The following FSTL5 variants were observed in gnomAD, a reference collection of about 807,000 sequenced individuals.
The protein encoded by FSTL5 is follistatin-related protein 5.
FSTL5 carries 62 observed loss-of-function variants against 89.1 expected under a neutral mutation model. That is an observed-to-expected ratio of 0.70 (90% CI 0.57 to 0.86). The LOEUF (loss-of-function observed/expected upper bound fraction) is 0.86. Ranked by LOEUF, FSTL5 falls within the 40% of genes least tolerant of loss-of-function variation. FSTL5 has a pLI of 0.00. For missense variants in FSTL5, 1,057 were observed against 1,001.6 expected (o/e 1.06, Z -0.75); for synonymous variants, 383 against 346.2 (o/e 1.11, Z -1.18).
chr4:161,990,507 A>T (rs190692988), intron 3 of FSTL5, among the ~76,000 whole-genome samples: 1 of 152,256 alleles, frequency 6.6e-6, no homozygotes. Context: ...GGTAATACAT[A>T]GCTGAAAATA....
At chr4:161,452,131 C>T (rs909462759) in intron 15 of FSTL5, among the ~76,000 whole-genome samples, 3 of 152,132 alleles carry the variant, frequency 2.0e-5, no homozygotes, top group Non-Finnish European at 2.9e-5. Context: ...CAATTCATAA[C>T]GATTCAATCT....
At chr4:161,687,729 T>G (rs1400633990) in intron 6 of FSTL5, among the ~76,000 whole-genome samples, 2 of 152,186 alleles carry the variant, frequency 1.3e-5, no homozygotes, top group Non-Finnish European at 2.9e-5. Context: ...CAGAGTGATC[T>G]CTCAGTATTT....
chr4:161,918,239 T>C (rs1329333006), intron 4 of FSTL5, among the ~76,000 whole-genome samples: 4 of 152,186 alleles, frequency 2.6e-5, no homozygotes, highest in Non-Finnish European at 5.9e-5. Flanking sequence ...TTGTTTTGGT[T>C]TATATTATTT....
At chr4:161,400,407 C>T (rs965892953) in intron 15 of FSTL5, among the ~76,000 whole-genome samples, 6 of 152,122 alleles carry the variant, frequency 3.9e-5, no homozygotes, top group Middle Eastern at 3.4e-3. Flanking sequence ...CTTAAATATA[C>T]ATTTCTAAGA....
At chr4:161,896,518 A>C (rs922027422) in intron 4 of FSTL5, among the ~76,000 whole-genome samples, 14 of 152,154 alleles carry the variant, frequency 9.2e-5, no homozygotes, top group Non-Finnish European at 1.6e-4. Context: ...AATGGAACTG[A>C]GGAAAGTTCA....
At chr4:161,624,186 A>T (rs1169100607) in intron 7 of FSTL5, among the ~76,000 whole-genome samples, 1 of 152,018 alleles carries the variant, frequency 6.6e-6, no homozygotes, top group Admixed American at 6.6e-5. Flanking sequence ...TGCCTACCAA[A>T]TTGAAGTGTG....
intron 3 of FSTL5, among the ~76,000 whole-genome samples, chr4:161,923,052 G>T (rs1301719882): frequency 2.0e-5 from 3 of 151,884 alleles, no homozygotes; most frequent in Non-Finnish European, 4.4e-5. Context: ...CCAGGTTTCA[G>T]CCAATCACAG....
At chr4:161,429,255 G>A (rs1732271297) in intron 15 of FSTL5, among the ~76,000 whole-genome samples, 1 of 152,154 alleles carries the variant, frequency 6.6e-6, no homozygotes, top group Non-Finnish European at 1.5e-5. Flanking sequence ...CTCTCAGATG[G>A]TATCTCTGGA....
intron 8 of FSTL5, among the ~76,000 whole-genome samples, chr4:161,565,472 T>C (rs545768982): frequency 2.2e-4 from 34 of 151,916 alleles, no homozygotes; most frequent in African/African-American, 8.2e-4. Context: ...CTGATCCTCA[T>C]ATATAATTAT....
chr4:161,848,036 CAAAAAAAAAAAAA>C (rs139315536), intron 4 of FSTL5, among the ~76,000 whole-genome samples: 1 of 48,202 alleles, frequency 2.1e-5, no homozygotes, highest in Non-Finnish European at 3.4e-5. Context: ...GACTCCGTCT[CAAAAAAAAAAAAA>C]AAAAAAAAAA....
chr4:161,706,035 C>G (rs1738569019), intron 6 of FSTL5, among the ~76,000 whole-genome samples: 1 of 123,452 alleles, frequency 8.1e-6, no homozygotes. Flanking sequence ...CTTTTTACTT[C>G]TTAATAATAG....
At chr4:161,501,267 G>T (rs950498040) in intron 11 of FSTL5, among the ~76,000 whole-genome samples, 15 of 152,014 alleles carry the variant, frequency 9.9e-5, no homozygotes, top group African/African-American at 3.4e-4. Context: ...TCTCCTGGAA[G>T]ATTCAGCCTG....
intron 4 of FSTL5, among the ~76,000 whole-genome samples, chr4:161,919,977 T>C (rs1733947054): frequency 6.6e-6 from 1 of 152,222 alleles, no homozygotes; most frequent in Non-Finnish European, 1.5e-5. Context: ...ATTTGAATTA[T>C]GTGGTGCAAA....
chr4:162,138,244 T>C lies in FSTL5; in HGVS notation c.-17+25371A>G, dbSNP rs574120527. On this transcript the variant is annotated intron_variant, in intron 1 of 15. Transcript: ENST00000306100. The stretch of plus-strand genomic sequence containing the variant: ...GCTCTATTCTGAATTTGAAGCAGTT[T>C]TGGAGAAATTACAGTGATGGAGAAA... Among the ~76,000 whole-genome samples the C allele has an allele frequency of 5.9e-5, 9 of 152,260 alleles. No homozygotes were observed. In the South Asian group the frequency reaches 1.7e-3, roughly 28 times the overall value.
intron 4 of FSTL5, among the ~76,000 whole-genome samples, chr4:161,847,515 A>T (rs552677968): frequency 6.6e-6 from 1 of 152,178 alleles, no homozygotes; most frequent in Non-Finnish European, 1.5e-5. Context: ...TCTCCAAAGC[A>T]CTATTTACTG....
chr4:161,388,485 T>C (rs182939010), intron 15 of FSTL5: 11 of 152,156 alleles, frequency 7.2e-5, no homozygotes, highest in African/African-American at 2.6e-4. Flanking sequence ...CATCAAAAAA[T>C]CATAAACATC....
At chr4:161,697,963 G>A (rs928466398) in intron 6 of FSTL5, among the ~76,000 whole-genome samples, 1 of 152,006 alleles carries the variant, frequency 6.6e-6, no homozygotes. Context: ...GTGTGTATGT[G>A]TGTGTGTGTG....
chr4:161,944,673 A>G (rs1221169868), intron 3 of FSTL5, among the ~76,000 whole-genome samples: 1 of 151,856 alleles, frequency 6.6e-6, no homozygotes, highest in Non-Finnish European at 1.5e-5. Context: ...TCTTTATCAC[A>G]GTAACATGTA....
At chr4:162,078,429 T>C (rs1278040808) in intron 2 of FSTL5, among the ~76,000 whole-genome samples, 1 of 151,870 alleles carries the variant, frequency 6.6e-6, no homozygotes, top group Non-Finnish European at 1.5e-5. Context: ...TGTTGCCATT[T>C]GGAAGGAAAT....
Sources: allele counts gnomAD v4.1 joint callset (sites outside exome capture counted in the v4.1 genomes callset), GRCh38; gene constraint gnomAD v4.1.1; transcripts MANE v1.5; gene names NCBI Gene and HGNC (gene_info 2026-07-23, HGNC 2026-07-21).